RBFOX1: variants seen among roughly 807,000 people sequenced by gnomAD.
RBFOX1 encodes RNA binding protein fox-1 homolog 1.
A neutral mutation model predicts 57.7 loss-of-function variants in RBFOX1; 8 were observed. The observed-to-expected ratio is 0.14, with a 90% CI of 0.08 to 0.25. RBFOX1 has a LOEUF of 0.25. Among genes scored for constraint, RBFOX1 ranks in the 10% least tolerant of loss-of-function variants. The pLI, the probability that RBFOX1 is intolerant of heterozygous loss-of-function variation, is 1.00. For missense variants in RBFOX1, 611 were observed against 548.5 expected (o/e 1.11, Z -1.14); for synonymous variants, 326 against 222.4 (o/e 1.47, Z -4.15).
chr16:7,249,609 A>AG (rs949807158), intron 4 of RBFOX1, among the ~76,000 whole-genome samples: 10 of 151,896 alleles, frequency 6.6e-5, no homozygotes, highest in African/African-American at 9.7e-5. Flanking sequence ...TTTAAAAAAA[A>AG]AAAGAGCCTG....
rs112586066 is a variant in RBFOX1, at chr16:6,327,986, C to G, written c.-64+10929C>G. Among the ~76,000 whole-genome samples, 5 of 152,174 alleles carry G rather than the reference C, an allele frequency of 3.3e-5. No homozygotes were observed. In the East Asian group the frequency reaches 5.8e-4, roughly 18 times the overall value. The stretch of plus-strand genomic sequence containing the variant: ...CTTCTGAAAATGATCTGGGTGGAAA[C>G]GTATAAAGGTTGTGCATTGCCAATT... On this transcript the variant is annotated intron_variant, in intron 2 of 15. Coordinates refer to ENST00000550418, the MANE Select transcript of RBFOX1 (RefSeq NM_018723.4).
chr16:7,314,346 G>A (rs754860686), intron 4 of RBFOX1, among the ~76,000 whole-genome samples: 3 of 152,162 alleles, frequency 2.0e-5, no homozygotes, highest in Non-Finnish European at 4.4e-5. Context: ...ATTTCAGGGA[G>A]TGGGGTCCTG....
At chr16:6,710,570 C>G (rs2063540654) in intron 3 of RBFOX1, among the ~76,000 whole-genome samples, 2 of 152,202 alleles carry the variant, frequency 1.3e-5, no homozygotes, top group African/African-American at 2.4e-5. Context: ...TCTGGCTGAT[C>G]CGTTACCGGA....
chr16:7,468,668 G>C (rs11643760), intron 4 of RBFOX1, among the ~76,000 whole-genome samples: 51,847 of 151,904 alleles, frequency 0.34, 10,268 homozygotes, highest in Non-Finnish European at 0.45. Context: ...ACACATGCAT[G>C]CATAGGATGC....
chr16:6,881,537 C>T (rs866916892), intron 3 of RBFOX1, among the ~76,000 whole-genome samples: 1 of 152,154 alleles, frequency 6.6e-6, no homozygotes, highest in Admixed American at 6.5e-5. Context: ...CTATGCATGT[C>T]TGTGTCCAAA....
chr16:7,211,805 C>A (rs1377474472), intron 4 of RBFOX1, among the ~76,000 whole-genome samples: 1 of 152,190 alleles, frequency 6.6e-6, no homozygotes, highest in African/African-American at 2.4e-5. Context: ...TGAGCTTTCA[C>A]ATCTTCCTCT....
At chr16:6,115,023 C>G (rs1388813978) in intron 1 of RBFOX1, among the ~76,000 whole-genome samples, 3 of 152,148 alleles carry the variant, frequency 2.0e-5, no homozygotes, top group Non-Finnish European at 1.5e-5. Flanking sequence ...AGGAAAGGAA[C>G]AGTAGCTTCC....
intron 3 of RBFOX1, among the ~76,000 whole-genome samples, chr16:7,021,668 C>T (rs888978159): frequency 2.7e-5 from 4 of 148,264 alleles, no homozygotes; most frequent in Non-Finnish European, 6.0e-5. Flanking sequence ...TTCCCTCAGC[C>T]TATTTGCACA....
chr16:6,525,424 G>A (rs575314817), intron 2 of RBFOX1, among the ~76,000 whole-genome samples: 1 of 152,348 alleles, frequency 6.6e-6, no homozygotes, highest in South Asian at 2.1e-4. Context: ...GAGACATTGA[G>A]AAGTGATGCT....
Position 7,106,848 on chromosome 16 carries a change from G to C in RBFOX1, c.27+54750G>C, listed in dbSNP as rs76219778. Among the ~76,000 whole-genome samples, 952 of 152,050 alleles carry C rather than the reference G, an allele frequency of 6.3e-3. 10 individuals are homozygous for C. The highest frequency in any genetic ancestry group is 0.022 in the African/African-American group (902 of 41,466). On this transcript the variant is annotated intron_variant, in intron 4 of 15. Coordinates refer to ENST00000550418, the MANE Select transcript of RBFOX1 (RefSeq NM_018723.4). ...AACAGATACACAAGCAAACAAAATA[G>C]TATATTAATTAATTCATGAAACAAG...
intron 1 of RBFOX1, among the ~76,000 whole-genome samples, chr16:6,067,238 A>G (rs556074399): frequency 4.0e-4 from 61 of 152,302 alleles, no homozygotes; most frequent in African/African-American, 1.4e-3. Flanking sequence ...AAAAGTCTAC[A>G]CACAGAAGTT....
At chr16:5,695,053 A>G (rs2050806496) in intron 3 of RBFOX1, among the ~76,000 whole-genome samples, 1 of 152,092 alleles carries the variant, frequency 6.6e-6, no homozygotes, top group South Asian at 2.1e-4. Context: ...AGACACTGAC[A>G]GTAATATATG....
chr16:7,602,051 GC>G (rs1429120537), intron 9 of RBFOX1, among the ~76,000 whole-genome samples: 2 of 152,154 alleles, frequency 1.3e-5, no homozygotes, highest in East Asian at 3.9e-4. Flanking sequence ...AATTCCTGTA[GC>G]GTACATAAGG....
chr16:6,825,877 A>T (rs546151879), intron 3 of RBFOX1, among the ~76,000 whole-genome samples: 2 of 152,260 alleles, frequency 1.3e-5, no homozygotes, highest in African/African-American at 4.8e-5. Context: ...GAGCCTTCTG[A>T]TGTAGGTGGC....
intron 2 of RBFOX1, among the ~76,000 whole-genome samples, chr16:6,386,144 T>C (rs960279331): frequency 6.6e-6 from 1 of 152,056 alleles, no homozygotes; most frequent in Non-Finnish European, 1.5e-5. Context: ...ACCGTGTCAC[T>C]CAGGATGGTC....
At chr16:7,469,982 A>G (rs1599225443) in intron 4 of RBFOX1, among the ~76,000 whole-genome samples, 1 of 149,834 alleles carries the variant, frequency 6.7e-6, no homozygotes, top group African/African-American at 2.5e-5. Context: ...TCTTCAAGGT[A>G]CATTGATGTG....
chr16:5,690,898 T>C (rs143001512), intron 3 of RBFOX1, among the ~76,000 whole-genome samples: 1 of 152,124 alleles, frequency 6.6e-6, no homozygotes, highest in South Asian at 2.1e-4. Flanking sequence ...CTGATTTGTT[T>C]GGGGGAACTG....
intron 4 of RBFOX1, among the ~76,000 whole-genome samples, chr16:7,091,213 A>G (rs997771000): frequency 1.3e-5 from 2 of 151,358 alleles, no homozygotes; most frequent in Non-Finnish European, 2.9e-5. Flanking sequence ...TTCCAAGTAC[A>G]CTTCCTCTGT....
At chr16:6,342,043 T>C (rs2084650838) in intron 2 of RBFOX1, among the ~76,000 whole-genome samples, 1 of 152,220 alleles carries the variant, frequency 6.6e-6, no homozygotes, top group Admixed American at 6.5e-5. Context: ...GTGGACACTG[T>C]TGGGGGGCCT....
Sources: gnomAD v4.1 joint callset for allele counts (sites outside exome capture counted in the v4.1 genomes callset) on GRCh38, gnomAD v4.1.1 for gene constraint, MANE v1.5 for transcripts, NCBI Gene and HGNC (gene_info 2026-07-23, HGNC 2026-07-21) for gene names.